KLC3: variants seen among roughly 807,000 people sequenced by gnomAD.
KLC3 encodes the protein kinesin light chain 2.
In KLC3, 72 loss-of-function variants were observed where a neutral mutation model predicts 62.9. The observed-to-expected ratio is 1.15, with a 90% CI of 0.95 to 1.39. The LOEUF (loss-of-function observed/expected upper bound fraction) is 1.39, where lower values mean the gene tolerates loss of function less well. Ranked by LOEUF, KLC3 falls within the 40% of genes most tolerant of loss-of-function variation. KLC3 has a pLI of 0.00. For missense variants in KLC3, 848 were observed against 691.6 expected, an observed-to-expected ratio of 1.23 and a Z score of -2.54; for synonymous variants, 377 against 300.5, an observed-to-expected ratio of 1.25 and a Z score of -2.63.
Position 45,349,597 on chromosome 19 carries a change from A to C in KLC3, c.1138A>C (p.Asn380His), listed in dbSNP as rs746313640. 1 of 1,604,248 alleles carries C rather than the reference A, an allele frequency of 6.2e-7. No individual in the cohort carries two copies. The highest frequency in any genetic ancestry group is 8.5e-7 in the Non-Finnish European group (1 of 1,174,120). ...CCCCAACGTGGCCAAGACCAAGAACAACCTGGTGAGGCCCCTGGGGCTCAG... is the reference window on the plus strand; with the variant it reads ...CCCCAACGTGGCCAAGACCAAGAACCACCTGGTGAGGCCCCTGGGGCTCAG... ...HDPNVAKTKNNLASAYLKQNK... is the reference protein window; with the variant it reads ...HDPNVAKTKNHLASAYLKQNK... Residue 380 changes from asparagine (N) to histidine (H), a missense_variant, in exon 8 of 13, where the codon AAC becomes CAC. Asn to His is a moderately conservative substitution (Grantham distance 68). Transcript: ENST00000391946.
chr19:45,347,977 G>A lies in KLC3; in HGVS notation c.596G>A (p.Gly199Asp). The change falls in exon 5 of 13, where the codon GGT becomes GAT. Residue 199 changes from glycine (G) to aspartate (D), a missense_variant. Gly to Asp is a moderately conservative substitution (Grantham distance 94). Coordinates refer to ENST00000391946, the MANE Select transcript of KLC3 (RefSeq NM_177417.3). The stretch of plus-strand genomic sequence containing the variant: ...GCAGGAGCAGCAGCTGCTCAGCAGG[G>A]TGGCTATGAGATCCCTGCCCGCCTT... The part of the protein sequence containing the change: ...EAAGAAAAQQ[G>D]GYEIPARLRT... 1.2e-6 allele frequency: 2 copies of A among 1,609,382 alleles called. No individual in the cohort carries two copies. Among genetic ancestry groups the A allele is most frequent in the Non-Finnish European group, 1.7e-6 (2 of 1,178,080 alleles).
Position 45,351,391 on chromosome 19 carries a change from G to C in KLC3, c.*34G>C, listed in dbSNP as rs538721827. 1 of 1,606,302 alleles carries C rather than the reference G, an allele frequency of 6.2e-7. No homozygotes were observed. Among genetic ancestry groups the C allele is most frequent in the Non-Finnish European group, 8.5e-7 (1 of 1,179,852 alleles). Reference sequence around the variant, plus strand: ...GAACTGCGCTGGCCGCAGCTTCTTGGGAACAGTGCAGGAGGGATGGGCTGG... The same window carrying C: ...GAACTGCGCTGGCCGCAGCTTCTTGCGAACAGTGCAGGAGGGATGGGCTGG... On this transcript the variant is annotated 3_prime_UTR_variant, in exon 13 of 13. Coordinates refer to ENST00000391946, the MANE Select transcript of KLC3 (RefSeq NM_177417.3).
chr19:45,350,661 A>ACTCTCCAAGATCCGTGAGTCTAT lies in KLC3; in HGVS notation c.1295_1317dup (p.Arg440SerfsTer30). ...CCCAGGCCCTTCGCCGCAGCAGCTC[A>ACTCTCCAAGATCCGTGAGTCTAT]CTCTCCAAGATCCGTGAGTCTATCA... On this transcript the variant is annotated frameshift_variant, in exon 11 of 13. Transcript: ENST00000391946. LOFTEE classifies it high-confidence loss of function. The ACTCTCCAAGATCCGTGAGTCTAT allele has an allele frequency of 1.9e-6, 3 of 1,612,472 alleles. No homozygotes were observed. Among genetic ancestry groups the ACTCTCCAAGATCCGTGAGTCTAT allele is most frequent in the South Asian group, 1.1e-5 (1 of 90,996 alleles).
chr19:45,343,121 T>C (rs928656435), intron 1 of KLC3, among the ~76,000 whole-genome samples: 2 of 152,022 alleles, frequency 1.3e-5, no homozygotes, highest in African/African-American at 4.8e-5. Context: ...GTAGGGAAAC[T>C]GGCGAGGGAT....
At position 45,348,692 on chromosome 19, in the gene KLC3, C is replaced by T. The variant is rs749671391; in HGVS notation, c.826C>T (p.Leu276=). Residue 276 remains leucine, a synonymous_variant, in exon 6 of 13, where the codon CTG becomes TTG. Coordinates refer to ENST00000391946, the MANE Select transcript of KLC3 (RefSeq NM_177417.3). ...KEATDLLHDA[L]QIREQTLGPE... is the part of the protein sequence containing the mutation. ...AGCCACAGACCTTCTCCATGATGCCCTGCAGATCCGGGAGCAGACGCTGGG... is the reference window on the plus strand; with the variant it reads ...AGCCACAGACCTTCTCCATGATGCCTTGCAGATCCGGGAGCAGACGCTGGG... 6 of 1,597,198 alleles carry T rather than the reference C, an allele frequency of 3.8e-6. No homozygotes were observed. The highest frequency in any genetic ancestry group is 1.7e-5 in the Admixed American group (1 of 57,562).
rs546396211 is a variant in KLC3 at position 45,349,779 on chromosome 19, C to T, written c.1143+177C>T. The T allele has an allele frequency of 1.3e-4, 82 of 609,560 alleles. 1 individual carries two copies. In the South Asian group the frequency reaches 1.8e-3, roughly 13 times the overall value. The allele number at this position is 609,560 out of a possible 1,614,324, so 37.8% of individuals were successfully genotyped here. The stretch of plus-strand genomic sequence containing the variant: ...CAGCACAGAACACGGAATCAGGAAA[C>T]GCGTAAGTCCACGGCAGCCAGAGGA... On this transcript the variant is annotated intron_variant, in intron 8 of 12. Transcript: ENST00000391946.
At chr19:45,342,748 C>T (rs1023015395) in intron 1 of KLC3, among the ~76,000 whole-genome samples, 3 of 152,168 alleles carry the variant, frequency 2.0e-5, no homozygotes, top group South Asian at 2.1e-4. Context: ...GTCTGGGCAA[C>T]AGAGCGAGAC....
In KLC3 at chr19:45,345,787, G is replaced by A. The variant is rs1971476866; in HGVS notation, c.246G>A (p.Leu82=). 1 of 1,549,362 alleles carries A rather than the reference G, an allele frequency of 6.5e-7. No individual in the cohort carries two copies. Among genetic ancestry groups the A allele is most frequent in the Non-Finnish European group, 8.7e-7 (1 of 1,147,186 alleles). ...SHSLEAIELG[L]GEAQVLLALS... is the part of the protein sequence containing the mutation. ...CGCTGGAGGCCATCGAGCTGGGGCT[G>A]GGCGAGGCCCAGGTATGAGGGGGCC... is the stretch of plus-strand genomic sequence containing the variant. The change falls in exon 2 of 13, where the codon CTG becomes CTA. Residue 82 remains leucine (L), a synonymous_variant. Transcript: ENST00000391946.
chr19:45,351,135 A>G (rs945123808), intron 12 of KLC3, 118 bp downstream of exon 12: 11 of 1,602,760 alleles, frequency 6.9e-6, no homozygotes, highest in Admixed American at 5.1e-5. Context: ...TGGTGTCAGA[A>G]GAGACCCAGG....
In KLC3 at chr19:45,351,271, T is replaced by C. The variant is rs1971757925; in HGVS notation, c.1444-15T>C. ...CCTCACCTCCCCTCCAACCATCCCC[T>C]GTGCCTGTCTCCAGTTTCCCAGCTG... On this transcript the variant is annotated splice_polypyrimidine_tract_variant and intron_variant, in intron 12 of 12. Transcript: ENST00000391946. 3.7e-6 allele frequency: 6 copies of C among 1,611,746 alleles called. No individual in the cohort carries two copies. In the East Asian group the frequency reaches 6.7e-5, roughly 18 times the overall value.
At chr19:45,347,907 TGCAGTGACCCAGA>T (rs754489398) in intron 4 of KLC3, 21 bp from the exon 5 acceptor site, 2 of 1,534,608 alleles carry the variant, frequency 1.3e-6, no homozygotes, top group South Asian at 2.4e-5. Flanking sequence ...GCAGGAGGCT[TGCAGTGACCCAGA>T]GCCCACCCCA....
In KLC3 at chr19:45,349,568, A is replaced by G. The variant is rs1971608365; in HGVS notation, c.1109A>G (p.His370Arg). The G allele has an allele frequency of 1.2e-6, 2 of 1,613,416 alleles. No individual in the cohort carries two copies. Among genetic ancestry groups the G allele is most frequent in the Non-Finnish European group, 8.5e-7 (1 of 1,179,584 alleles). ...LSIYEALGGP[H>R]DPNVAKTKNN... Reference sequence around the variant, plus strand: ...ATCTATGAGGCACTGGGCGGGCCCCATGACCCCAACGTGGCCAAGACCAAG... The same window carrying G: ...ATCTATGAGGCACTGGGCGGGCCCCGTGACCCCAACGTGGCCAAGACCAAG... Residue 370 changes from histidine to arginine, a missense_variant, in exon 8 of 13, where the codon CAT becomes CGT. Coordinates refer to ENST00000391946, the MANE Select transcript of KLC3 (RefSeq NM_177417.3).
chr19:45,345,228 C>T, intron 1 of KLC3: 1 of 533,758 alleles, frequency 1.9e-6, no homozygotes, highest in Non-Finnish European at 3.3e-6. Context: ...GGACCCCAGG[C>T]TAGCTGTTTG....
intron 1 of KLC3, among the ~76,000 whole-genome samples, chr19:45,343,972 A>G (rs55990241): frequency 0.38 from 57,715 of 151,586 alleles, 12,910 homozygotes; most frequent in African/African-American, 0.63. Flanking sequence ...CAGGTACACC[A>G]TCACCACACC....
chr19:45,348,067 T>C lies in KLC3; in HGVS notation c.686T>C (p.Leu229Pro). Residue 229 changes from leucine (L) to proline (P), a missense_variant, in exon 5 of 13, where the codon CTG (leucine) becomes CCG (proline). Transcript: ENST00000391946. ...GQGRYEVAVP[L>P]CRQALEDLER... Reference sequence around the variant, plus strand: ...GGCCGCTATGAGGTGGCGGTGCCTCTGTGCCGCCAGGCCTTGGAGGACCTG... The same window carrying C: ...GGCCGCTATGAGGTGGCGGTGCCTCCGTGCCGCCAGGCCTTGGAGGACCTG... The C allele has an allele frequency of 6.2e-7, 1 of 1,602,854 alleles. No homozygotes were observed. The highest frequency in any genetic ancestry group is 8.5e-7 in the Non-Finnish European group (1 of 1,174,970).
intron 2 of KLC3, 34 bp downstream of exon 2, chr19:45,345,833 G>A (rs1419335062): frequency 3.9e-6 from 6 of 1,527,698 alleles, no homozygotes; most frequent in Non-Finnish European, 5.3e-6. Context: ...CTGGGGGAAG[G>A]TCAGCTGAGG....
chr19:45,348,995 C>G, intron 7 of KLC3, 74 bp downstream of exon 7: 1 of 1,308,004 alleles, frequency 7.6e-7, no homozygotes, highest in South Asian at 1.3e-5. Context: ...TGAGCACGTA[C>G]ATCGTGACCC....
In KLC3 at chr19:45,349,450, G is replaced by A. The variant is rs1451864007; in HGVS notation, c.991G>A (p.Asp331Asn). ...CCAGGTCCTGGGTGCTGACCACCCA[G>A]ATGTGGCCAAGCAGCTCAACAACCT... ...REKVLGADHP[D>N]VAKQLNNLAL... is the part of the protein sequence containing the mutation. The change falls in exon 8 of 13, where the codon GAT becomes AAT. Residue 331 changes from aspartate to asparagine, a missense_variant. Asp to Asn is a conservative substitution (Grantham distance 23). Coordinates refer to ENST00000391946, the MANE Select transcript of KLC3 (RefSeq NM_177417.3). The A allele has an allele frequency of 1.2e-6, 2 of 1,612,028 alleles. No homozygotes were observed. Among genetic ancestry groups the A allele is most frequent in the Non-Finnish European group, 1.7e-6 (2 of 1,178,650 alleles).
intron 7 of KLC3, 135 bp downstream of exon 7, chr19:45,349,056 A>T (rs967570239): frequency 4.0e-6 from 3 of 759,474 alleles, no homozygotes; most frequent in Non-Finnish European, 6.4e-6. Context: ...GTTGGAGCCT[A>T]GATCACCCAA....
Sources: allele counts gnomAD v4.1 joint callset (sites outside exome capture counted in the v4.1 genomes callset), GRCh38; gene constraint gnomAD v4.1.1; transcripts MANE v1.5; gene names NCBI Gene and HGNC (gene_info 2026-07-23, HGNC 2026-07-21).